Variants in ZNF234 observed in about 807,000 individuals in gnomAD.
The protein encoded by ZNF234 is C2-H2 type zinc finger protein.
A neutral mutation model predicts 10.3 loss-of-function variants in ZNF234; 4 were observed. That is an observed-to-expected ratio of 0.39 (90% CI 0.19 to 0.89). ZNF234 has a LOEUF of 0.89. Ranked by LOEUF, ZNF234 falls within the 40% of genes least tolerant of loss-of-function variation. The pLI is 0.38. For synonymous variants in ZNF234, 258 were observed against 280.1 expected (o/e 0.92, Z 0.79); for missense variants, 711 against 836.1 (o/e 0.85, Z 1.85).
At chr19:44,143,901 C>T (rs1377762010) in intron 2 of ZNF234, among the ~76,000 whole-genome samples, 1 of 152,142 alleles carries the variant, frequency 6.6e-6, no homozygotes. Flanking sequence ...ATCCCCTGTT[C>T]CCCTGTTTGC....
Position 44,157,408 on chromosome 19 carries a change from C to T in ZNF234, c.1392C>T (p.Gly464=). 1 of 1,613,956 alleles carries T rather than the reference C, an allele frequency of 6.2e-7. No homozygotes were observed. The highest frequency in any genetic ancestry group is 8.5e-7 in the Non-Finnish European group (1 of 1,179,886). Residue 464 remains glycine, a synonymous_variant, in exon 6 of 6, where the codon GGC becomes GGT. Transcript: ENST00000426739. ...KPFKCEECGQ[G]FNQSSRLQIH... is the part of the protein sequence containing the mutation. ...TTAAGTGTGAAGAGTGTGGGCAGGG[C>T]TTCAATCAGAGCTCACGACTTCAGA...
In ZNF234 at chr19:44,157,852, A is replaced by C; in HGVS notation, c.1836A>C (p.Gln612His). 4 of 1,613,962 alleles carry C rather than the reference A, an allele frequency of 2.5e-6. No homozygotes were observed. Among genetic ancestry groups the C allele is most frequent in the Non-Finnish European group, 3.4e-6 (4 of 1,179,962 alleles). ...GKHFSQASSL[Q>H]LHQSVHTGEK... ...ACTTCAGTCAGGCCTCAAGTCTCCA[A>C]CTTCATCAGAGTGTCCACACAGGAG... Residue 612 changes from glutamine (Q) to histidine (H), a missense_variant, in exon 6 of 6, where the codon CAA becomes CAC. Transcript: ENST00000426739.
Position 44,158,136 on chromosome 19 carries a change from A to C in ZNF234, c.*17A>C. On this transcript the variant is annotated 3_prime_UTR_variant, in exon 6 of 6. Coordinates refer to ENST00000426739, the MANE Select transcript of ZNF234 (RefSeq NM_006630.3). ...ACAAGGTGATTAAAAAAAAAAAAAC[A>C]GAACTCATGTACAACCTGAATGCTT... 7.1e-7 allele frequency: 1 copy of C among 1,409,676 alleles called. No homozygotes were observed. The allele number at this position is 1,409,676 out of a possible 1,614,324, so 87.3% of individuals were successfully genotyped here. A position where few individuals can be genotyped will look rare whatever the true frequency, so the allele number is the denominator to read the frequency against.
chr19:44,149,383 G>A (rs1004652526), intron 4 of ZNF234, among the ~76,000 whole-genome samples: 15 of 152,194 alleles, frequency 9.9e-5, no homozygotes, highest in African/African-American at 3.6e-4. Context: ...AGGAGGCAGA[G>A]GTTGTAGTGA....
At chr19:44,144,252 A>G (rs1175763593) in intron 2 of ZNF234, among the ~76,000 whole-genome samples, 1 of 152,216 alleles carries the variant, frequency 6.6e-6, no homozygotes, top group Non-Finnish European at 1.5e-5. Context: ...TATACATGAA[A>G]TCATACAATC....
At chr19:44,145,556 C>G (rs1968569273) in intron 3 of ZNF234, among the ~76,000 whole-genome samples, 1 of 152,134 alleles carries the variant, frequency 6.6e-6, no homozygotes, top group African/African-American at 2.4e-5. Flanking sequence ...CCATGCCCAG[C>G]TAATTTTGTA....
rs776312941 is a variant in ZNF234 at position 44,156,415 on chromosome 19, G to T, written c.399G>T (p.Gln133His). 1 of 1,613,544 alleles carries T rather than the reference G, an allele frequency of 6.2e-7. No homozygotes were observed. The highest frequency in any genetic ancestry group is 8.5e-7 in the Non-Finnish European group (1 of 1,179,740). ...RFPRQGDLSC[Q>H]VRAGLYTTHT... ...CCAGACAAGGTGATTTGTCCTGCCAGGTTAGGGCAGGACTATATACAACTC... is the reference window on the plus strand; with the variant it reads ...CCAGACAAGGTGATTTGTCCTGCCATGTTAGGGCAGGACTATATACAACTC... The change falls in exon 6 of 6, where the codon CAG (glutamine) becomes CAT (histidine). Residue 133 changes from glutamine to histidine, a missense_variant. Transcript: ENST00000426739.
chr19:44,156,905 T>A lies in ZNF234; in HGVS notation c.889T>A (p.Phe297Ile). 1 of 1,613,994 alleles carries A rather than the reference T, an allele frequency of 6.2e-7. No homozygotes were observed. Among genetic ancestry groups the A allele is most frequent in the Non-Finnish European group, 8.5e-7 (1 of 1,179,902 alleles). The change falls in exon 6 of 6, where the codon TTC becomes ATC. Residue 297 changes from phenylalanine (F) to isoleucine (I), a missense_variant. By Grantham distance (21) the Phe-to-Ile change is conservative. Transcript: ENST00000426739. ...PFKCDTCGKN[F>I]RRRSALNNHC... ...CAAATGTGATACATGTGGTAAGAAC[T>A]TCCGTCGTAGATCAGCACTTAATAA...
intron 5 of ZNF234, among the ~76,000 whole-genome samples, chr19:44,151,929 A>G (rs1199759909): frequency 1.3e-5 from 2 of 152,144 alleles, no homozygotes; most frequent in Non-Finnish European, 2.9e-5. Flanking sequence ...ACCCTTTGTC[A>G]TAACCTGACA....
intron 2 of ZNF234, among the ~76,000 whole-genome samples, chr19:44,143,331 C>T (rs907029305): frequency 1.3e-5 from 2 of 152,086 alleles, no homozygotes; most frequent in Non-Finnish European, 2.9e-5. Flanking sequence ...CGTCTCTGGC[C>T]GGGCGCGGTG....
chr19:44,156,395 C>G lies in ZNF234; in HGVS notation c.379C>G (p.Gln127Glu). Residue 127 changes from glutamine (Q) to glutamate (E), a missense_variant, in exon 6 of 6, where the codon CAA becomes GAA. Physicochemically the swap from Gln to Glu is conservative, Grantham distance 29. Coordinates refer to ENST00000426739, the MANE Select transcript of ZNF234 (RefSeq NM_006630.3). The part of the protein sequence containing the change: ...SMISISRFPR[Q>E]GDLSCQVRAG... ...GATAAGTATTTCTCGGTTCCCCAGACAAGGTGATTTGTCCTGCCAGGTTAG... is the reference window on the plus strand; with the variant it reads ...GATAAGTATTTCTCGGTTCCCCAGAGAAGGTGATTTGTCCTGCCAGGTTAG... The G allele has an allele frequency of 6.2e-7, 1 of 1,613,536 alleles. No homozygotes were observed. The highest frequency in any genetic ancestry group is 1.3e-5 in the African/African-American group (1 of 75,044).
Position 44,151,913 on chromosome 19 carries a change from T to C in ZNF234, c.235+1408T>C, listed in dbSNP as rs547379498. On this transcript the variant is annotated intron_variant, in intron 5 of 5. Coordinates refer to ENST00000426739, the MANE Select transcript of ZNF234 (RefSeq NM_006630.3). ...TGCAACCTTAATTCCCTCTGCAACCTTAATTACCCTTTGTCATAACCTGAC... is the reference window on the plus strand; with the variant it reads ...TGCAACCTTAATTCCCTCTGCAACCCTAATTACCCTTTGTCATAACCTGAC... 9.8e-5 allele frequency among the ~76,000 whole-genome samples: 15 copies of C among 152,340 alleles called. No homozygotes were observed. In the East Asian group the frequency reaches 2.9e-3, roughly 29 times the overall value.
rs1395764942 is a variant in ZNF234, at chr19:44,158,397, C to T, written c.*278C>T. The T allele has an allele frequency of 2.5e-5, 10 of 401,220 alleles. No individual in the cohort carries two copies. The East Asian group carries it at 5.9e-4, about 24-fold the overall frequency. The allele number at this position is 401,220 out of a possible 1,614,324, so 24.9% of individuals were successfully genotyped here. ...CTCAGTGGATTACAGGTGCACACCACCACGCCTGGCTAATTTTTGTATTTT... is the reference window on the plus strand; with the variant it reads ...CTCAGTGGATTACAGGTGCACACCATCACGCCTGGCTAATTTTTGTATTTT... On this transcript the variant is annotated 3_prime_UTR_variant, in exon 6 of 6. Coordinates refer to ENST00000426739, the MANE Select transcript of ZNF234 (RefSeq NM_006630.3).
At chr19:44,146,806 CTTTTTTTTTTTTTTT>C (rs60083912) in intron 3 of ZNF234, among the ~76,000 whole-genome samples, 1 of 83,286 alleles carries the variant, frequency 1.2e-5, no homozygotes, top group African/African-American at 4.0e-5. Flanking sequence ...CTCTCTCTCT[CTTTTTTTTTTTTTTT>C]TTTTTTTTTT....
intron 5 of ZNF234, among the ~76,000 whole-genome samples, chr19:44,154,135 C>T (rs946307676): frequency 3.9e-5 from 6 of 152,144 alleles, no homozygotes; most frequent in Admixed American, 6.5e-5. Context: ...GGTGAGCTGA[C>T]ATTGAGCAGA....
At position 44,158,858 on chromosome 19, in the gene ZNF234, A is replaced by G. The variant is rs926368452; in HGVS notation, c.*739A>G. On this transcript the variant is annotated 3_prime_UTR_variant, in exon 6 of 6. Transcript: ENST00000426739. ...CATGGGGGCAGGAACTTTGCTACCG[A>G]ATCTATACAACCTTAACATTGACTA... The G allele has an allele frequency of 1.3e-5, 2 of 152,744 alleles. No homozygotes were observed. Among genetic ancestry groups the G allele is most frequent in the African/African-American group, 4.8e-5 (2 of 41,462 alleles). 9.5% of individuals were successfully genotyped at this position (152,744 alleles called of 1,614,324 possible).
intron 5 of ZNF234, among the ~76,000 whole-genome samples, chr19:44,151,323 C>G (rs942209819): frequency 2.6e-5 from 4 of 152,110 alleles, no homozygotes; most frequent in Admixed American, 1.3e-4. Context: ...CTGCCTCAGC[C>G]TCCCAAGTAG....
intron 2 of ZNF234, among the ~76,000 whole-genome samples, chr19:44,143,469 C>T (rs554453608): frequency 3.9e-5 from 6 of 152,144 alleles, no homozygotes; most frequent in Admixed American, 2.6e-4. Flanking sequence ...ATTAGCCGGG[C>T]GTGTTGGCGG....
chr19:44,153,610 A>C (rs1054755852), intron 5 of ZNF234, among the ~76,000 whole-genome samples: 3 of 152,200 alleles, frequency 2.0e-5, no homozygotes, highest in Non-Finnish European at 4.4e-5. Flanking sequence ...AGAAGGAACC[A>C]GTGTATAGGG....
Sources: allele counts gnomAD v4.1 joint callset (sites outside exome capture counted in the v4.1 genomes callset), GRCh38; gene constraint gnomAD v4.1.1; transcripts MANE v1.5; gene names NCBI Gene and HGNC (gene_info 2026-07-23, HGNC 2026-07-21).